CSMD1: variants seen among roughly 807,000 people sequenced by gnomAD.
CSMD1 encodes the protein CUB and Sushi multiple domains 1, also known as CUB and sushi domain-containing protein 1.
A neutral mutation model predicts 417.5 loss-of-function variants in CSMD1; 213 were observed. The observed-to-expected ratio is 0.51, with a 90% CI of 0.46 to 0.57. The LOEUF (loss-of-function observed/expected upper bound fraction) is 0.57. CSMD1 is among the 20% of genes least tolerant of loss of function. The probability of loss-of-function intolerance (pLI) is 0.00; values close to 1 mark genes in which losing one functional copy is unlikely to be tolerated. For synonymous variants in CSMD1, 2,862 were observed against 1,736.8 expected (o/e 1.65, Z -16.11); for missense variants, 6,923 against 4,529.7 (o/e 1.53, Z -15.17).
At chr8:4,274,465 G>T (rs933204673) in intron 3 of CSMD1, among the ~76,000 whole-genome samples, 7 of 152,138 alleles carry the variant, frequency 4.6e-5, no homozygotes, top group Non-Finnish European at 1.0e-4. Context: ...CAGCACAGTC[G>T]TAATGGCATT....
chr8:4,704,413 A>G (rs1807786640), intron 1 of CSMD1, among the ~76,000 whole-genome samples: 1 of 152,200 alleles, frequency 6.6e-6, no homozygotes, highest in Non-Finnish European at 1.5e-5. Flanking sequence ...TCTATTGTTT[A>G]TGTGGTGTCT....
At chr8:4,332,981 G>C (rs1277335206) in intron 3 of CSMD1, among the ~76,000 whole-genome samples, 1 of 147,340 alleles carries the variant, frequency 6.8e-6, no homozygotes, top group African/African-American at 2.5e-5. Flanking sequence ...CTTCAGTTTT[G>C]AGGTAAACGT....
chr8:4,637,295 G>T, intron 2 of CSMD1, 47 bp downstream of exon 2: 2 of 1,400,242 alleles, frequency 1.4e-6, no homozygotes, highest in Non-Finnish European at 2.0e-6. Context: ...TTCATAATCT[G>T]TGTATTCAAA....
chr8:4,128,873 G>A (rs1001959943), intron 3 of CSMD1, among the ~76,000 whole-genome samples: 5 of 152,136 alleles, frequency 3.3e-5, no homozygotes, highest in Non-Finnish European at 5.9e-5. Context: ...TGCATGCGCT[G>A]TATCATGAAT....
chr8:4,017,791 C>T (rs749490154), intron 4 of CSMD1, among the ~76,000 whole-genome samples: 2 of 152,044 alleles, frequency 1.3e-5, no homozygotes, highest in Non-Finnish European at 2.9e-5. Flanking sequence ...TCTTTGTAAT[C>T]TGCATTTGGA....
chr8:4,277,216 T>TATAC (rs1554515941), intron 3 of CSMD1, among the ~76,000 whole-genome samples: 2,761 of 147,148 alleles, frequency 0.019, 43 homozygotes, highest in South Asian at 0.065. Flanking sequence ...TATATATATA[T>TATAC]ACACACAGAC....
chr8:3,554,023 A>C (rs1799032603), intron 10 of CSMD1, among the ~76,000 whole-genome samples: 1 of 152,208 alleles, frequency 6.6e-6, no homozygotes. Context: ...TTTCAAAAAA[A>C]ATAAGTAAAC....
At chr8:3,591,319 T>G (rs763986268) in intron 8 of CSMD1, among the ~76,000 whole-genome samples, 2 of 152,214 alleles carry the variant, frequency 1.3e-5, no homozygotes, top group Non-Finnish European at 2.9e-5. Context: ...CGTATTTGAT[T>G]TCGGAAGACA....
At chr8:4,306,528 T>C (rs572115543) in intron 3 of CSMD1, among the ~76,000 whole-genome samples, 2 of 152,348 alleles carry the variant, frequency 1.3e-5, no homozygotes, top group Admixed American at 1.3e-4. Context: ...ACTGCTCATC[T>C]TGAAGACAAA....
chr8:4,979,492 C>G (rs1810756230), intron 1 of CSMD1, among the ~76,000 whole-genome samples: 1 of 152,114 alleles, frequency 6.6e-6, no homozygotes, highest in Non-Finnish European at 1.5e-5. Context: ...TGTGTGAAAG[C>G]TAAGGGAAAT....
At chr8:4,666,793 G>A (rs753187005) in intron 1 of CSMD1, among the ~76,000 whole-genome samples, 20 of 152,014 alleles carry the variant, frequency 1.3e-4, no homozygotes, top group Non-Finnish European at 1.9e-4. Flanking sequence ...CTCACATTCT[G>A]TAGTCTATCT....
intron 12 of CSMD1, among the ~76,000 whole-genome samples, chr8:3,427,597 A>G (rs1362434730): frequency 3.3e-5 from 5 of 152,204 alleles, no homozygotes; most frequent in Admixed American, 2.6e-4. Context: ...GAAACAATCT[A>G]TTTGACCATA....
In CSMD1 at chr8:3,409,439, G is replaced by A; in HGVS notation, c.1728C>T (p.Asn576=). ...AATACTCACATACACAGCTGGGCTT[G>A]TTGCCAGACCACTGATTGTTCTGCT... ...TCQQNNQWSG[N]KPSCVFSCFF... Residue 576 remains asparagine, a synonymous_variant, in exon 13 of 70, where the codon AAC becomes AAT. Coordinates refer to ENST00000635120, the MANE Select transcript of CSMD1 (RefSeq NM_033225.6). The A allele has an allele frequency of 2.5e-6, 4 of 1,610,516 alleles. No individual in the cohort carries two copies. Among genetic ancestry groups the A allele is most frequent in the Non-Finnish European group, 3.4e-6 (4 of 1,178,454 alleles).
chr8:4,216,751 A>C (rs1293673195), intron 3 of CSMD1, among the ~76,000 whole-genome samples: 3 of 152,188 alleles, frequency 2.0e-5, no homozygotes, highest in Non-Finnish European at 4.4e-5. Context: ...AGACCTTTAA[A>C]ATTACCATTC....
chr8:4,216,335 T>G (rs1800666204), intron 3 of CSMD1, among the ~76,000 whole-genome samples: 1 of 152,170 alleles, frequency 6.6e-6, no homozygotes, highest in African/African-American at 2.4e-5. Flanking sequence ...CAGGGATGCT[T>G]TCAGTTCCCT....
chr8:4,380,280 A>G (rs138362272), intron 3 of CSMD1, among the ~76,000 whole-genome samples: 49 of 152,282 alleles, frequency 3.2e-4, no homozygotes, highest in Non-Finnish European at 6.2e-4. Context: ...CCAGGTGACT[A>G]AGGTCAGCAT....
At chr8:3,299,691 G>C (rs1563243866) in intron 25 of CSMD1, among the ~76,000 whole-genome samples, 1 of 152,180 alleles carries the variant, frequency 6.6e-6, no homozygotes, top group Admixed American at 6.5e-5. Context: ...GGAAATGCAG[G>C]TGGGAGGTGA....
At chr8:4,886,198 C>A (rs1007033169) in intron 1 of CSMD1, among the ~76,000 whole-genome samples, 1 of 151,946 alleles carries the variant, frequency 6.6e-6, no homozygotes, top group Non-Finnish European at 1.5e-5. Context: ...ACCATGTTGG[C>A]CAGGCTGGTC....
chr8:3,928,964 G>A (rs1809944213), intron 5 of CSMD1, among the ~76,000 whole-genome samples: 1 of 150,438 alleles, frequency 6.6e-6, no homozygotes, highest in Non-Finnish European at 1.5e-5. Flanking sequence ...GTGGTTTTGT[G>A]TGCTAAAACA....
Sources: allele counts gnomAD v4.1 joint callset (sites outside exome capture counted in the v4.1 genomes callset), GRCh38; gene constraint gnomAD v4.1.1; transcripts MANE v1.5; gene names NCBI Gene and HGNC (gene_info 2026-07-23, HGNC 2026-07-21).